TCF12: variants seen among roughly 807,000 people sequenced by gnomAD.
TCF12 encodes DNA-binding protein HTF4.
A neutral mutation model predicts 86.0 loss-of-function variants in TCF12; 45 were observed. The observed-to-expected ratio is 0.52, with a 90% CI of 0.41 to 0.67. TCF12 has a LOEUF of 0.67. TCF12 is among the 30% of genes least tolerant of loss of function. The pLI is 0.00. For missense variants in TCF12, 881 were observed against 859.9 expected, an observed-to-expected ratio of 1.02 and a Z score of -0.31; for synonymous variants, 330 against 299.6, an observed-to-expected ratio of 1.10 and a Z score of -1.05.
intron 3 of TCF12, among the ~76,000 whole-genome samples, chr15:56,940,596 C>T (rs774704673): frequency 1.0e-4 from 15 of 149,516 alleles, no homozygotes; most frequent in Non-Finnish European, 1.6e-4. Context: ...CCTCCTCCTC[C>T]TCCTTCTCCT....
chr15:57,031,438 A>G (rs1420522618), intron 3 of TCF12, among the ~76,000 whole-genome samples: 1 of 152,194 alleles, frequency 6.6e-6, no homozygotes. Flanking sequence ...GTGGTTGGAT[A>G]TTAGACAGTA....
chr15:57,001,793 C>T (rs1450871207), intron 3 of TCF12, among the ~76,000 whole-genome samples: 1 of 152,130 alleles, frequency 6.6e-6, no homozygotes, highest in Non-Finnish European at 1.5e-5. Flanking sequence ...CCTAGTTCTG[C>T]CTGCTTCCAT....
At chr15:57,236,503 T>C (rs755953976) in intron 12 of TCF12, among the ~76,000 whole-genome samples, 1 of 152,200 alleles carries the variant, frequency 6.6e-6, no homozygotes, top group East Asian at 1.9e-4. Context: ...GCTTTTAATA[T>C]AGCCTCTGGT....
At chr15:56,928,331 G>T (rs932859320) in intron 3 of TCF12, among the ~76,000 whole-genome samples, 9 of 151,944 alleles carry the variant, frequency 5.9e-5, no homozygotes, top group Non-Finnish European at 1.2e-4. Flanking sequence ...AGCATTCTCG[G>T]TAATACTAGT....
intron 4 of TCF12, among the ~76,000 whole-genome samples, chr15:57,081,135 ATTTTGTTTTG>A (rs1406115545): frequency 6.6e-6 from 1 of 152,058 alleles, no homozygotes; most frequent in African/African-American, 2.4e-5. Flanking sequence ...GGGTAGTTAA[ATTTTGTTTTG>A]TTTTGTTTTG....
chr15:57,211,507 G>C (rs1023111345), intron 8 of TCF12, among the ~76,000 whole-genome samples: 1 of 152,302 alleles, frequency 6.6e-6, no homozygotes, highest in Non-Finnish European at 1.5e-5. Context: ...TTCATTTGCT[G>C]GCATAAATGT....
intron 3 of TCF12, among the ~76,000 whole-genome samples, chr15:57,045,255 T>C (rs1348130975): frequency 6.6e-6 from 1 of 152,212 alleles, no homozygotes; most frequent in Non-Finnish European, 1.5e-5. Flanking sequence ...AAAAAGTGTG[T>C]GGCATTCAAG....
At chr15:56,974,480 A>G (rs2062501310) in intron 3 of TCF12, among the ~76,000 whole-genome samples, 1 of 152,130 alleles carries the variant, frequency 6.6e-6, no homozygotes, top group South Asian at 2.1e-4. Flanking sequence ...TAAAAATAAA[A>G]AGATACTTTA....
chr15:57,282,070 TAAGTACA>T (rs2061715755), intron 19 of TCF12: 1 of 276,694 alleles, frequency 3.6e-6, no homozygotes, highest in South Asian at 3.5e-5. Context: ...TGTCTCTCTC[TAAGTACA>T]AGATGTCAGC....
At chr15:57,214,752 G>A (rs1055676322) in intron 8 of TCF12, among the ~76,000 whole-genome samples, 6 of 152,110 alleles carry the variant, frequency 3.9e-5, no homozygotes, top group Non-Finnish European at 8.8e-5. Context: ...TATTGGTTTG[G>A]TTAAGATTTT....
chr15:57,234,249 G>GTA (rs1184350639), intron 12 of TCF12, 142 bp downstream of exon 12: 2 of 694,092 alleles, frequency 2.9e-6, no homozygotes, highest in Non-Finnish European at 5.0e-6. Context: ...TTCTCGGTTT[G>GTA]TATTGATATA....
At chr15:57,170,737 A>T (rs1395798105) in intron 6 of TCF12, among the ~76,000 whole-genome samples, 32 of 24,714 alleles carry the variant, frequency 1.3e-3, no homozygotes, top group Middle Eastern at 0.025. Flanking sequence ...TATTATATAT[A>T]ATATATATTA....
At chr15:57,231,955 G>C (rs2059157265) in intron 9 of TCF12, among the ~76,000 whole-genome samples, 1 of 152,152 alleles carries the variant, frequency 6.6e-6, no homozygotes, top group Non-Finnish European at 1.5e-5. Context: ...AACTTTCTGT[G>C]TATGTATAAG....
At chr15:57,002,899 GA>G in intron 3 of TCF12, among the ~76,000 whole-genome samples, 1 of 152,210 alleles carries the variant, frequency 6.6e-6, no homozygotes, top group Non-Finnish European at 1.5e-5. Context: ...CTGTATCTGA[GA>G]AAAGAGGATC....
chr15:57,110,028 G>A (rs2050384430), intron 5 of TCF12, among the ~76,000 whole-genome samples: 1 of 141,552 alleles, frequency 7.1e-6, no homozygotes, highest in Non-Finnish European at 1.6e-5. Flanking sequence ...TGTCGTAGGA[G>A]ACCAAAGTAG....
At chr15:56,937,044 G>A (rs1298167327) in intron 3 of TCF12, among the ~76,000 whole-genome samples, 1 of 152,120 alleles carries the variant, frequency 6.6e-6, no homozygotes, top group Non-Finnish European at 1.5e-5. Context: ...CATTGAATTT[G>A]TGGATTGCTT....
At chr15:57,148,595 C>G (rs2053530866) in intron 5 of TCF12, among the ~76,000 whole-genome samples, 1 of 149,680 alleles carries the variant, frequency 6.7e-6, no homozygotes, top group East Asian at 2.0e-4. Flanking sequence ...AAAAAATGCT[C>G]AAATGGCCAG....
Position 57,094,012 on chromosome 15 carries a change from C to T in TCF12, c.325+2121C>T, listed in dbSNP as rs147357145. ...CTCACTACAGCCTTGAACTCCTGAG[C>T]TCAAGCTGTCCTCCTTCCTTAGCAC... On this transcript the variant is annotated intron_variant, in intron 5 of 20. Transcript: ENST00000333725. Among the ~76,000 whole-genome samples, 575 of 152,250 alleles carry T rather than the reference C, an allele frequency of 3.8e-3. 2 individuals carry two copies. Among genetic ancestry groups the T allele is most frequent in the African/African-American group, 0.013 (556 of 41,536 alleles).
rs184772901 is a variant in TCF12 at position 57,165,702 on chromosome 15, A to C, written c.326-700A>C. Among the ~76,000 whole-genome samples the C allele has an allele frequency of 5.3e-5, 8 of 150,552 alleles. No individual in the cohort carries two copies. In the East Asian group the frequency reaches 1.6e-3, roughly 30 times the overall value. ...CAGGCGCATACCACCATGCCTGGCT[A>C]ATTTTTTGTATTTTTAGTAGAGACA... On this transcript the variant is annotated intron_variant, in intron 5 of 20. Coordinates refer to ENST00000333725, the MANE Select transcript of TCF12 (RefSeq NM_207037.2).
Sources: gnomAD v4.1 joint callset for allele counts (sites outside exome capture counted in the v4.1 genomes callset) on GRCh38, gnomAD v4.1.1 for gene constraint, MANE v1.5 for transcripts, NCBI Gene and HGNC (gene_info 2026-07-23, HGNC 2026-07-21) for gene names.